The following PC variants were observed in gnomAD, a reference collection of about 807,000 sequenced individuals.
PC encodes the protein pyruvate carboxylase, also known as pyruvate carboxylase, mitochondrial.
In PC, 46 loss-of-function variants were observed where a neutral mutation model predicts 107.8. The observed-to-expected ratio is 0.43, with a 90% CI of 0.34 to 0.55. The LOEUF (loss-of-function observed/expected upper bound fraction) is 0.55. Among genes scored for constraint, PC ranks in the 20% least tolerant of loss-of-function variants. PC has a pLI of 0.04. For missense variants in PC, 1,241 were observed against 1,643.1 expected, an observed-to-expected ratio of 0.76 and a Z score of 4.23; for synonymous variants, 662 against 684.7, an observed-to-expected ratio of 0.97 and a Z score of 0.52.
intron 3 of PC, among the ~76,000 whole-genome samples, chr11:66,933,929 G>T (rs992786428): frequency 1.3e-5 from 2 of 152,102 alleles, no homozygotes; most frequent in Admixed American, 1.3e-4. Flanking sequence ...TGAACTTCCA[G>T]CCCTAATGCT....
chr11:66,875,216 C>T (rs191116262), intron 3 of PC, among the ~76,000 whole-genome samples: 129 of 131,758 alleles, frequency 9.8e-4, no homozygotes, highest in African/African-American at 3.5e-3. Flanking sequence ...CTGAGAGACG[C>T]GGAGCCTCTG....
At chr11:66,937,105 A>C (rs1949019394) in intron 3 of PC, among the ~76,000 whole-genome samples, 1 of 152,148 alleles carries the variant, frequency 6.6e-6, no homozygotes. Context: ...GGGCCTCCCA[A>C]AGTGCTGGGA....
rs145167276 is a variant in PC at position 66,849,052 on chromosome 11, C to T, written c.3384G>A (p.Gly1128=). ...GKVIDIKVVA[G]AKVAKGQPLC... is the part of the protein sequence containing the mutation. The stretch of plus-strand genomic sequence containing the variant: ...GGGGCTGGCCCTTGGCCACCTTGGC[C>T]CCTGCCACCACTTTGATGTCTATCA... Residue 1128 remains glycine, a synonymous_variant, in exon 23 of 23, where the codon GGG becomes GGA. Coordinates refer to ENST00000393960, the MANE Select transcript of PC (RefSeq NM_001040716.2). 17 of 1,614,102 alleles carry T rather than the reference C, an allele frequency of 1.1e-5. No homozygotes were observed. In the African/African-American group the frequency reaches 1.5e-4, roughly 14 times the overall value.
chr11:66,848,648 C>T lies in PC; in HGVS notation c.*251G>A, dbSNP rs1015263523. 3.3e-6 allele frequency: 2 copies of T among 613,928 alleles called. No individual in the cohort carries two copies. The highest frequency in any genetic ancestry group is 2.9e-6 in the Non-Finnish European group (1 of 345,344). 38.0% of individuals were successfully genotyped at this position (613,928 alleles called of 1,614,324 possible). ...GGTCCTAGGACCACCTGACCCACCA[C>T]TTGTAGTCTCCAGTGAGGAGGGGAC... On this transcript the variant is annotated 3_prime_UTR_variant, in exon 23 of 23. Coordinates refer to ENST00000393960, the MANE Select transcript of PC (RefSeq NM_001040716.2).
chr11:66,944,493 C>T (rs1455958389), intron 3 of PC, among the ~76,000 whole-genome samples: 3 of 110,080 alleles, frequency 2.7e-5, no homozygotes, highest in Non-Finnish European at 5.9e-5. Context: ...GCAGGAGAAT[C>T]GCTTGAACCT....
intron 3 of PC, chr11:66,919,812 C>T (rs1401387819): frequency 6.6e-6 from 1 of 152,088 alleles, no homozygotes; most frequent in Non-Finnish European, 1.5e-5. Flanking sequence ...AGGTCTTTGC[C>T]AGAAAGCCCC....
At position 66,858,730 on chromosome 11, in the gene PC, G is replaced by A. The variant is rs765116208; in HGVS notation, c.1368+5044C>T. 3.9e-6 allele frequency: 6 copies of A among 1,554,180 alleles called. No individual in the cohort carries two copies. The highest frequency in any genetic ancestry group is 1.9e-5 in the Admixed American group (1 of 51,932). On this transcript the variant is annotated intron_variant, in intron 12 of 22. Transcript: ENST00000393960. This position sits in a 1 kb window ranked among gnomAD's most constrained non-coding sequence, Gnocchi z 5.9. The stretch of plus-strand genomic sequence containing the variant: ...TTGGTTGGCAACTCCTCCCGAGCCC[G>A]GGCTTTCCCCAACGGGACCTTAGAG...
intron 3 of PC, among the ~76,000 whole-genome samples, chr11:66,887,244 G>A (rs542317058): frequency 3.7e-4 from 57 of 152,268 alleles, no homozygotes; most frequent in African/African-American, 1.3e-3. Flanking sequence ...GCCAATGGGT[G>A]TTGGTGTCTC....
chr11:66,886,100 G>T (rs1205885217), intron 3 of PC, among the ~76,000 whole-genome samples: 1 of 152,082 alleles, frequency 6.6e-6, no homozygotes, highest in Non-Finnish European at 1.5e-5. Context: ...ATGATGAGGC[G>T]GGCCACGCCT....
At chr11:66,916,736 C>T (rs1340710655) in intron 3 of PC, among the ~76,000 whole-genome samples, 1 of 152,010 alleles carries the variant, frequency 6.6e-6, no homozygotes, top group Non-Finnish European at 1.5e-5. Context: ...GTGCGGATCA[C>T]GAGGTCAGGA....
chr11:66,859,790 G>C, intron 12 of PC: 1 of 1,598,640 alleles, frequency 6.3e-7, no homozygotes, highest in Non-Finnish European at 8.5e-7. Flanking sequence ...CCACGCTGCC[G>C]GCCTCGCCCC....
chr11:66,924,516 T>C (rs1359561828), intron 3 of PC, among the ~76,000 whole-genome samples: 1 of 152,170 alleles, frequency 6.6e-6, no homozygotes, highest in Non-Finnish European at 1.5e-5. Flanking sequence ...TTTGGCACCA[T>C]CTCAGCTCAC....
At position 66,849,109 on chromosome 11, in the gene PC, C is replaced by T. The variant is rs202085529; in HGVS notation, c.3327G>A (p.Lys1109=). ...HFHPKALKDV[K]GQIGAPMPGK... The stretch of plus-strand genomic sequence containing the variant: ...CAGGCATGGGCGCCCCGATCTGGCC[C>T]TTCACGTCCTTTAGGGCCTTGGGGT... Residue 1109 remains lysine, a synonymous_variant, in exon 23 of 23, where the codon AAG becomes AAA. Coordinates refer to ENST00000393960, the MANE Select transcript of PC (RefSeq NM_001040716.2). 3.1e-6 allele frequency: 5 copies of T among 1,614,134 alleles called. No individual in the cohort carries two copies. The Admixed American group carries it at 6.7e-5, about 22-fold the overall frequency.
At position 66,866,518 on chromosome 11, in the gene PC, C is replaced by T. The variant is rs1946503376; in HGVS notation, c.1023-169G>A. ...CGGTTCCTCCCAACCAGTGGCTCCA[C>T]CAGCCCCTGCCCTGCTCCCGCCGGG... On this transcript the variant is annotated intron_variant, in intron 10 of 22. Transcript: ENST00000393960. The surrounding 1 kb of genome is among the most constrained non-coding windows in gnomAD (Gnocchi z 5.4). Among the ~76,000 whole-genome samples, 2 of 152,190 alleles carry T rather than the reference C, an allele frequency of 1.3e-5. No individual in the cohort carries two copies. The highest frequency in any genetic ancestry group is 4.8e-5 in the African/African-American group (2 of 41,456).
intron 3 of PC, among the ~76,000 whole-genome samples, chr11:66,873,492 TATATTA>T (rs1946847387): frequency 5.9e-5 from 2 of 33,732 alleles, no homozygotes; most frequent in African/African-American, 2.2e-4. Flanking sequence ...TAATATTATA[TATATTA>T]TATAATATTA....
rs528195067 is a variant in PC at position 66,866,707 on chromosome 11, C to T, written c.1023-358G>A. ...CTTGAGGTCTGTTTTCCCCACTCCC[C>T]TAAACTCCCCCTTGGTAAAGCCTAG... On this transcript the variant is annotated intron_variant, in intron 10 of 22. Coordinates refer to ENST00000393960, the MANE Select transcript of PC (RefSeq NM_001040716.2). The surrounding 1 kb of genome is among the most constrained non-coding windows in gnomAD (Gnocchi z 5.4). Among the ~76,000 whole-genome samples the T allele has an allele frequency of 1.1e-4, 17 of 152,314 alleles. No individual in the cohort carries two copies. The South Asian group carries it at 3.3e-3, about 30-fold the overall frequency.
intron 3 of PC, among the ~76,000 whole-genome samples, chr11:66,882,075 A>T (rs918535864): frequency 6.6e-6 from 1 of 152,206 alleles, no homozygotes; most frequent in African/African-American, 2.4e-5. Flanking sequence ...CAGCAGTCAC[A>T]TGTCCCAGAT....
chr11:66,899,162 G>A (rs1345075466), intron 3 of PC, among the ~76,000 whole-genome samples: 1 of 152,020 alleles, frequency 6.6e-6, no homozygotes, highest in Non-Finnish European at 1.5e-5. Flanking sequence ...GAGCCACCGT[G>A]CCCAGCCAAT....
chr11:66,872,556 G>A lies in PC; in HGVS notation c.1-397C>T, dbSNP rs11823180. Among the ~76,000 whole-genome samples the A allele has an allele frequency of 9.4e-3, 1,420 of 151,484 alleles. 28 individuals are homozygous for A. Among genetic ancestry groups the A allele is most frequent in the African/African-American group, 0.032 (1,310 of 41,236 alleles). The stretch of plus-strand genomic sequence containing the variant: ...ACCCTGGCTAACACGGTGAAACCCC[G>A]TCTCTACTAAAAATACAAAAAAAAA... On this transcript the variant is annotated intron_variant, in intron 3 of 22. Coordinates refer to ENST00000393960, the MANE Select transcript of PC (RefSeq NM_001040716.2).
Sources: allele counts gnomAD v4.1 joint callset (sites outside exome capture counted in the v4.1 genomes callset), GRCh38; gene constraint gnomAD v4.1.1; non-coding constraint Gnocchi (gnomAD v3.1); transcripts MANE v1.5; gene names NCBI Gene and HGNC (gene_info 2026-07-23, HGNC 2026-07-21).